The following RBFOX1 variants were observed in gnomAD, a reference collection of about 807,000 sequenced individuals.
RBFOX1 encodes RNA binding fox-1 homolog 1, also known as RNA binding protein fox-1 homolog 1.
In RBFOX1, 8 loss-of-function variants were observed where a neutral mutation model predicts 57.7. The ratio of observed to expected loss-of-function variants is 0.14; its 90% CI spans 0.08 to 0.25. The LOEUF is 0.25. Ranked by LOEUF, RBFOX1 falls within the 10% of genes least tolerant of loss-of-function variation. RBFOX1 has a pLI of 1.00. For synonymous variants in RBFOX1, 326 were observed against 222.4 expected (o/e 1.47, Z -4.15); for missense variants, 611 against 548.5 (o/e 1.11, Z -1.14).
chr16:7,446,985 TG>T (rs2098813776), intron 4 of RBFOX1, among the ~76,000 whole-genome samples: 1 of 151,536 alleles, frequency 6.6e-6, no homozygotes, highest in Admixed American at 6.6e-5. Context: ...GCTAATATTT[TG>T]TATTTTTAGT....
chr16:6,655,145 G>C (rs1171107080), intron 3 of RBFOX1, among the ~76,000 whole-genome samples: 2 of 151,556 alleles, frequency 1.3e-5, no homozygotes, highest in African/African-American at 4.8e-5. Flanking sequence ...AGGCAGAGGT[G>C]GGTGGATCAT....
intron 4 of RBFOX1, among the ~76,000 whole-genome samples, chr16:5,980,491 T>G (rs1331178421): frequency 6.6e-6 from 1 of 152,154 alleles, no homozygotes; most frequent in Admixed American, 6.5e-5. Flanking sequence ...ACCTGAGAGC[T>G]GTTCACAGTT....
chr16:7,360,321 G>A (rs529282901), intron 4 of RBFOX1, among the ~76,000 whole-genome samples: 11 of 152,308 alleles, frequency 7.2e-5, no homozygotes, highest in African/African-American at 2.6e-4. Context: ...GTGGTCAACT[G>A]AAAACAGTGA....
intron 1 of RBFOX1, chr16:6,059,170 T>G (rs532427706): frequency 6.6e-6 from 1 of 152,306 alleles, no homozygotes; most frequent in South Asian, 2.1e-4. Context: ...TCATCTGGAC[T>G]TGGAGTAAAG....
intron 1 of RBFOX1, among the ~76,000 whole-genome samples, chr16:5,458,239 T>C (rs985979731): frequency 1.3e-5 from 2 of 152,206 alleles, no homozygotes; most frequent in Non-Finnish European, 2.9e-5. Flanking sequence ...ATGATGGCTT[T>C]AGCACTGTCA....
chr16:7,611,851 C>A (rs1232438674), intron 10 of RBFOX1, among the ~76,000 whole-genome samples: 1 of 152,166 alleles, frequency 6.6e-6, no homozygotes, highest in Non-Finnish European at 1.5e-5. Context: ...AAAAATCTTT[C>A]TAAATGCTTA....
chr16:6,626,892 A>T (rs908304324), intron 2 of RBFOX1, among the ~76,000 whole-genome samples: 1 of 152,218 alleles, frequency 6.6e-6, no homozygotes, highest in African/African-American at 2.4e-5. Flanking sequence ...TGTGCCAGAC[A>T]CAAATTGGAA....
At chr16:6,810,162 G>C (rs1028308689) in intron 3 of RBFOX1, among the ~76,000 whole-genome samples, 1 of 152,000 alleles carries the variant, frequency 6.6e-6, no homozygotes, top group South Asian at 2.1e-4. Context: ...AGGGATTACG[G>C]ATCACTCTCA....
intron 4 of RBFOX1, among the ~76,000 whole-genome samples, chr16:7,208,807 C>G (rs1027395491): frequency 6.6e-6 from 1 of 152,068 alleles, no homozygotes; most frequent in South Asian, 2.1e-4. Context: ...ACTTGCAATC[C>G]AGCCTGGGTG....
At chr16:6,609,124 C>G (rs2097996736) in intron 2 of RBFOX1, among the ~76,000 whole-genome samples, 1 of 152,154 alleles carries the variant, frequency 6.6e-6, no homozygotes, top group African/African-American at 2.4e-5. Context: ...AATCAGCAAC[C>G]TTGATTCCCT....
rs140707894 is a variant in RBFOX1 at position 5,801,648 on chromosome 16, T to G, written c.319-65655T>G. 2.0e-5 allele frequency among the ~76,000 whole-genome samples: 3 copies of G among 152,334 alleles called. No homozygotes were observed. The East Asian group carries it at 5.8e-4, about 29-fold the overall frequency. On this transcript the variant is annotated intron_variant, in intron 3 of 19. Transcript: ENST00000641259. Reference sequence around the variant, plus strand: ...AAAAAATACCAATGTGATCCGTGGTTGCTAAAGAGTTGAGATTTACAAAGA... The same window carrying G: ...AAAAAATACCAATGTGATCCGTGGTGGCTAAAGAGTTGAGATTTACAAAGA...
In RBFOX1 at chr16:6,547,516, T is replaced by TTTG. The variant is rs200951788; in HGVS notation, c.-63-107075_-63-107073dup. 3.3e-4 allele frequency among the ~76,000 whole-genome samples: 50 copies of TTTG among 152,308 alleles called. 2 individuals carry two copies. The highest frequency in any genetic ancestry group is 1.8e-3 in the Admixed American group (28 of 15,294). ...GAACAGACAAATTGTGGTTCTTTTT[T>TTTG]TTGTTGTTGTTGTTATTGAGATATT... On this transcript the variant is annotated intron_variant, in intron 2 of 15. Transcript: ENST00000550418.
chr16:5,352,133 C>G (rs2065275220), intron 1 of RBFOX1, among the ~76,000 whole-genome samples: 1 of 151,918 alleles, frequency 6.6e-6, no homozygotes, highest in Non-Finnish European at 1.5e-5. Flanking sequence ...TTGTACTTTT[C>G]CCCAGTATGG....
intron 3 of RBFOX1, among the ~76,000 whole-genome samples, chr16:7,034,827 C>CTTTTTTTTTTTTTTTTTTCTTT (rs113413414): frequency 1.8e-5 from 1 of 54,114 alleles, no homozygotes. Context: ...TATTGCATTA[C>CTTTTTTTTTTTTTTTTTTCTTT]TTTTTTTTTT....
chr16:6,964,474 T>C (rs776378636), intron 3 of RBFOX1, among the ~76,000 whole-genome samples: 3 of 152,140 alleles, frequency 2.0e-5, no homozygotes, highest in South Asian at 2.1e-4. Flanking sequence ...TGTGTCAGTG[T>C]ATATGGTTAT....
At chr16:7,681,057 C>G (rs77751687) in intron 14 of RBFOX1, among the ~76,000 whole-genome samples, 1,564 of 152,244 alleles carry the variant, frequency 0.01, 11 homozygotes, top group Non-Finnish European at 0.018. Flanking sequence ...CATTCATAAC[C>G]TATGAATAAA....
At chr16:6,099,762 G>A (rs913295998) in intron 1 of RBFOX1, among the ~76,000 whole-genome samples, 3 of 152,142 alleles carry the variant, frequency 2.0e-5, no homozygotes, top group Non-Finnish European at 4.4e-5. Flanking sequence ...TGACTTTTAC[G>A]AAATAAGACA....
chr16:6,363,615 C>T (rs1043038177), intron 2 of RBFOX1, among the ~76,000 whole-genome samples: 3 of 152,218 alleles, frequency 2.0e-5, no homozygotes, highest in Non-Finnish European at 4.4e-5. Context: ...ACAGCAGTGA[C>T]AGCACAACAA....
At chr16:5,471,426 C>G (rs2069130570) in intron 2 of RBFOX1, among the ~76,000 whole-genome samples, 2 of 152,236 alleles carry the variant, frequency 1.3e-5, no homozygotes, top group South Asian at 2.1e-4. Flanking sequence ...TGTCCTTTTT[C>G]TCTCGGAGAG....
Sources: gnomAD v4.1 joint callset for allele counts (sites outside exome capture counted in the v4.1 genomes callset) on GRCh38, gnomAD v4.1.1 for gene constraint, MANE v1.5 for transcripts, NCBI Gene and HGNC (gene_info 2026-07-23, HGNC 2026-07-21) for gene names.